TRAPPC11: variants seen among roughly 807,000 people sequenced by gnomAD.
The protein encoded by TRAPPC11 is trafficking protein particle complex subunit 11.
Under a neutral mutation model 151.2 loss-of-function variants are expected in TRAPPC11, and 104 were observed. The ratio of observed to expected loss-of-function variants is 0.69; its 90% CI spans 0.59 to 0.81. TRAPPC11 has a LOEUF of 0.81. Ranked by LOEUF, TRAPPC11 falls within the 30% of genes least tolerant of loss-of-function variation. The probability of loss-of-function intolerance (pLI) is 0.00; values close to 1 mark genes in which losing one functional copy is unlikely to be tolerated. For synonymous variants in TRAPPC11, 456 were observed against 472.3 expected (o/e 0.97, Z 0.45); for missense variants, 1,230 against 1,349.6 (o/e 0.91, Z 1.39).
At chr4:183,666,673 G>T (rs1044832135) in intron 3 of TRAPPC11, among the ~76,000 whole-genome samples, 5 of 152,072 alleles carry the variant, frequency 3.3e-5, no homozygotes, top group African/African-American at 4.8e-5. Context: ...TATCTTTTTT[G>T]GAGACATAGT....
intron 5 of TRAPPC11, 104 bp downstream of exon 5, chr4:183,668,221 A>C (rs1734978648): frequency 3.1e-6 from 2 of 651,366 alleles, no homozygotes; most frequent in African/African-American, 3.7e-5. Flanking sequence ...TTCATGAAAA[A>C]CATTCATATG....
Position 183,691,424 on chromosome 4 carries a change from T to C in TRAPPC11, c.2002T>C (p.Leu668=). 1.3e-6 allele frequency: 2 copies of C among 1,527,268 alleles called. No homozygotes were observed. Among genetic ancestry groups the C allele is most frequent in the Non-Finnish European group, 1.8e-6 (2 of 1,125,520 alleles). The allele number at this position is 1,527,268 out of a possible 1,614,324, so 94.6% of individuals were successfully genotyped here. A position where few individuals can be genotyped will look rare whatever the true frequency, so the allele number is the denominator to read the frequency against. ...AGTTCCTGGCAAAACAAGAAAACTG[T>C]TATTTAAGTTTGTTGCAAAAACTGA... The part of the protein sequence containing the change: ...CLVPGKTRKL[L]FKFVAKTEDV... Residue 668 remains leucine, a synonymous_variant, in exon 19 of 30, where the codon TTA becomes CTA. Transcript: ENST00000334690.
intron 5 of TRAPPC11, among the ~76,000 whole-genome samples, chr4:183,668,802 G>C (rs947362770): frequency 1.2e-4 from 19 of 152,206 alleles, no homozygotes; most frequent in Non-Finnish European, 2.6e-4. Context: ...TTGTCACACA[G>C]AAGTTTTGTA....
At chr4:183,673,566 C>T (rs1735262145) in intron 5 of TRAPPC11, among the ~76,000 whole-genome samples, 1 of 151,954 alleles carries the variant, frequency 6.6e-6, no homozygotes, top group African/African-American at 2.4e-5. Context: ...TCCAGCCACT[C>T]TGGAGGCTGA....
At chr4:183,667,733 A>G (rs1734955388) in intron 4 of TRAPPC11, among the ~76,000 whole-genome samples, 1 of 152,126 alleles carries the variant, frequency 6.6e-6, no homozygotes, top group South Asian at 2.1e-4. Context: ...ATGTTTTTTG[A>G]AATAGTTATG....
Position 183,684,782 on chromosome 4 carries a change from C to G in TRAPPC11, c.1508C>G (p.Ser503Cys), listed in dbSNP as rs576961218. 5.0e-6 allele frequency: 8 copies of G among 1,613,728 alleles called. No homozygotes were observed. The highest frequency in any genetic ancestry group is 6.8e-6 in the Non-Finnish European group (8 of 1,179,830). ...TSVLTTALKCSYLMAQLKDYI... is the reference protein window; with the variant it reads ...TSVLTTALKCCYLMAQLKDYI... ...GTATTAACTACAGCTCTGAAGTGCTCCTACCTCATGGCCCAATTAAAGGAT... is the reference window on the plus strand; with the variant it reads ...GTATTAACTACAGCTCTGAAGTGCTGCTACCTCATGGCCCAATTAAAGGAT... The change falls in exon 15 of 30, where the codon TCC becomes TGC. Residue 503 changes from serine (S) to cysteine (C), a missense_variant. By Grantham distance (112) the Ser-to-Cys change is moderately radical. Transcript: ENST00000334690.
chr4:183,696,794 G>A lies in TRAPPC11; in HGVS notation c.2629-709G>A, dbSNP rs565095250. ...TCATCTTAAAGTGGCAATCATAATA[G>A]CACTTGTTTCCTTGTGTGATTATGA... On this transcript the variant is annotated intron_variant, in intron 23 of 29. Coordinates refer to ENST00000334690, the MANE Select transcript of TRAPPC11 (RefSeq NM_021942.6). Among the ~76,000 whole-genome samples the A allele has an allele frequency of 2.6e-5, 4 of 152,192 alleles. No individual in the cohort carries two copies. The South Asian group carries it at 6.2e-4, about 24-fold the overall frequency.
chr4:183,665,121 G>A (rs1734781208), intron 2 of TRAPPC11, among the ~76,000 whole-genome samples: 1 of 130,874 alleles, frequency 7.6e-6, no homozygotes, highest in Admixed American at 8.6e-5. Context: ...TTGAGACGGA[G>A]TCTCGCTCTG....
At position 183,664,030 on chromosome 4, in the gene TRAPPC11, G is replaced by C; in HGVS notation, c.163G>C (p.Val55Leu). 1 of 1,613,630 alleles carries C rather than the reference G, an allele frequency of 6.2e-7. No individual in the cohort carries two copies. Among genetic ancestry groups the C allele is most frequent in the Non-Finnish European group, 8.5e-7 (1 of 1,179,998 alleles). Residue 55 changes from valine to leucine, a missense_variant, in exon 2 of 30, where the codon GTG becomes CTG. Val to Leu is a conservative substitution (Grantham distance 32). Transcript: ENST00000334690. ...TGATCGAGTACCAATTTCTTTCAAG[G>C]TGCTCCCAGGTGACCATGAGTATCC... The part of the protein sequence containing the change: ...RADRVPISFK[V>L]LPGDHEYPKC...
Position 183,686,683 on chromosome 4 carries a change from TATCTGAAGGCTG to T in TRAPPC11, c.1831_1842del (p.Leu611_Asp614del). The T allele has an allele frequency of 6.2e-7, 1 of 1,614,150 alleles. No individual in the cohort carries two copies. The highest frequency in any genetic ancestry group is 8.5e-7 in the Non-Finnish European group (1 of 1,179,982). On this transcript the variant is annotated inframe_deletion, in exon 18 of 30. Transcript: ENST00000334690. ...TGATGTTCCTGTTCAGTTTGATATT[TATCTGAAGGCTG>T]ATTGTCCACATCCCATTAGGTTTTC...
At chr4:183,701,980 C>T (rs969541071) in intron 26 of TRAPPC11, among the ~76,000 whole-genome samples, 172 bp downstream of exon 26, 4 of 152,110 alleles carry the variant, frequency 2.6e-5, no homozygotes, top group Admixed American at 6.6e-5. Context: ...TTGTGCTTGT[C>T]GTAATTTGTG....
chr4:183,659,908 A>G (rs1430491633), intron 1 of TRAPPC11, among the ~76,000 whole-genome samples: 1 of 147,300 alleles, frequency 6.8e-6, no homozygotes, highest in Non-Finnish European at 1.5e-5. Context: ...AAAAAAAAGT[A>G]ACCACATTAG....
intron 5 of TRAPPC11, among the ~76,000 whole-genome samples, chr4:183,668,514 G>T (rs1230546238): frequency 6.6e-6 from 1 of 151,942 alleles, no homozygotes; most frequent in African/African-American, 2.4e-5. Flanking sequence ...AAGAAACAAA[G>T]TTTATATGTT....
At chr4:183,675,585 G>A (rs76397787) in intron 7 of TRAPPC11, 3,123 of 155,928 alleles carry the variant, frequency 0.02, 66 homozygotes, top group East Asian at 0.081. Flanking sequence ...TATCTAAATC[G>A]GACTTTGTTT....
chr4:183,692,822 G>T lies in TRAPPC11; in HGVS notation c.2050-138G>T, dbSNP rs78691623. 77 of 665,482 alleles carry T rather than the reference G, an allele frequency of 1.2e-4. 1 individual carries two copies. The African/African-American group carries it at 1.4e-3, about 12-fold the overall frequency. 41.2% of individuals were successfully genotyped at this position (665,482 alleles called of 1,614,324 possible). On this transcript the variant is annotated intron_variant, in intron 19 of 29. Coordinates refer to ENST00000334690, the MANE Select transcript of TRAPPC11 (RefSeq NM_021942.6). ...GCCCGAGTAAGACCTCTAATAGCAG[G>T]TGTTCTCACTTCTGTCACACTGGGG...
At chr4:183,703,787 C>T (rs1736912363) in intron 26 of TRAPPC11, among the ~76,000 whole-genome samples, 1 of 152,200 alleles carries the variant, frequency 6.6e-6, no homozygotes, top group African/African-American at 2.4e-5. Context: ...CCTGGCACCA[C>T]CCTTATAGTT....
intron 14 of TRAPPC11, 130 bp downstream of exon 14, chr4:183,684,489 A>T: frequency 5.6e-6 from 6 of 1,068,464 alleles, no homozygotes; most frequent in Non-Finnish European, 8.1e-6. Context: ...CATTTCTGTA[A>T]TGTTTTTTTC....
intron 25 of TRAPPC11, among the ~76,000 whole-genome samples, chr4:183,698,815 G>T (rs1268043854): frequency 6.6e-6 from 1 of 152,160 alleles, no homozygotes; most frequent in Non-Finnish European, 1.5e-5. Context: ...TGGAGGGGTT[G>T]TCTGGTTGTA....
chr4:183,684,874 T>TA (rs1561044921), intron 15 of TRAPPC11, 33 bp downstream of exon 15: 2 of 1,582,174 alleles, frequency 1.3e-6, no homozygotes, highest in Non-Finnish European at 8.6e-7. Context: ...AAATTCTTGA[T>TA]ACATAAAATT....
Sources: allele counts gnomAD v4.1 joint callset (sites outside exome capture counted in the v4.1 genomes callset), GRCh38; gene constraint gnomAD v4.1.1; transcripts MANE v1.5; gene names NCBI Gene and HGNC (gene_info 2026-07-23, HGNC 2026-07-21).